The following TRAPPC9 variants were observed in gnomAD, a reference collection of about 807,000 sequenced individuals.
TRAPPC9 encodes the protein IKK2 binding protein.
TRAPPC9 carries 83 observed loss-of-function variants against 124.0 expected under a neutral mutation model. The ratio of observed to expected loss-of-function variants is 0.67; its 90% CI spans 0.56 to 0.80. TRAPPC9 has a LOEUF of 0.80. TRAPPC9 is among the 30% of genes least tolerant of loss of function. The probability of loss-of-function intolerance (pLI) is 0.00; values close to 1 mark genes in which losing one functional copy is unlikely to be tolerated. For synonymous variants in TRAPPC9, 638 were observed against 617.5 expected (o/e 1.03, Z -0.49); for missense variants, 1,302 against 1,508.3 (o/e 0.86, Z 2.27).
At chr8:139,847,292 C>T (rs1302590097) in intron 21 of TRAPPC9, among the ~76,000 whole-genome samples, 1 of 152,226 alleles carries the variant, frequency 6.6e-6, no homozygotes, top group Admixed American at 6.5e-5. Context: ...ATCCACACAC[C>T]CCCGGAACTG....
At chr8:139,988,954 G>A in intron 18 of TRAPPC9, 118 bp from the exon 19 acceptor site, 2 of 727,904 alleles carry the variant, frequency 2.7e-6, no homozygotes, top group Non-Finnish European at 4.9e-6. Flanking sequence ...ATATCGAAAT[G>A]CCAAGTGCTC....
At chr8:140,073,395 T>A (rs1843301552) in intron 17 of TRAPPC9, among the ~76,000 whole-genome samples, 1 of 152,220 alleles carries the variant, frequency 6.6e-6, no homozygotes, top group Non-Finnish European at 1.5e-5. Flanking sequence ...GAACTACTGA[T>A]ACAACAACTG....
intron 11 of TRAPPC9, among the ~76,000 whole-genome samples, chr8:140,295,864 A>C (rs1290565122): frequency 1.3e-5 from 2 of 152,230 alleles, no homozygotes; most frequent in African/African-American, 4.8e-5. Context: ...AAGCTATGGG[A>C]TATAAATTGC....
intron 14 of TRAPPC9, among the ~76,000 whole-genome samples, chr8:140,277,545 A>C (rs917084038): frequency 3.3e-5 from 5 of 152,250 alleles, no homozygotes; most frequent in Admixed American, 3.3e-4. Context: ...AGGATTTTGA[A>C]ACAAAACAAA....
intron 17 of TRAPPC9, among the ~76,000 whole-genome samples, chr8:140,173,555 A>G (rs866530030): frequency 1.5e-5 from 2 of 137,628 alleles, no homozygotes; most frequent in Admixed American, 7.0e-5. Flanking sequence ...CTCTGTCTCA[A>G]AAAAAAAAAA....
At chr8:140,436,891 C>T (rs2070833053) in intron 3 of TRAPPC9, among the ~76,000 whole-genome samples, 1 of 152,160 alleles carries the variant, frequency 6.6e-6, no homozygotes, top group Non-Finnish European at 1.5e-5. Flanking sequence ...ATCCCTAATT[C>T]TTACTCCCTT....
intron 8 of TRAPPC9, among the ~76,000 whole-genome samples, chr8:140,369,033 C>T (rs1187485805): frequency 6.6e-6 from 1 of 152,186 alleles, no homozygotes; most frequent in African/African-American, 2.4e-5. Context: ...GCTTTCACAC[C>T]ACAACAGCAG....
chr8:140,346,092 C>T (rs1300818487), intron 9 of TRAPPC9, among the ~76,000 whole-genome samples: 1 of 152,210 alleles, frequency 6.6e-6, no homozygotes, highest in Non-Finnish European at 1.5e-5. Context: ...AGCTCTGCCA[C>T]CTCCAAATCC....
intron 19 of TRAPPC9, among the ~76,000 whole-genome samples, chr8:139,922,600 C>T (rs1370364549): frequency 1.3e-5 from 2 of 152,258 alleles, no homozygotes; most frequent in South Asian, 2.1e-4. Context: ...GGCCTCCAGA[C>T]AGGCATGGCT....
intron 21 of TRAPPC9, among the ~76,000 whole-genome samples, chr8:139,751,586 C>G (rs1460211345): frequency 6.6e-6 from 1 of 152,126 alleles, no homozygotes; most frequent in African/African-American, 2.4e-5. Context: ...GCTCTATCTG[C>G]CTAGGTATCT....
intron 6 of TRAPPC9, among the ~76,000 whole-genome samples, chr8:140,398,889 A>G (rs1372929691): frequency 6.6e-6 from 1 of 152,240 alleles, no homozygotes; most frequent in African/African-American, 2.4e-5. Context: ...CTCCCATCAC[A>G]GGCCTGGAGG....
At chr8:140,390,699 T>C (rs2068901430) in intron 7 of TRAPPC9, among the ~76,000 whole-genome samples, 1 of 152,208 alleles carries the variant, frequency 6.6e-6, no homozygotes, top group African/African-American at 2.4e-5. Context: ...AAGAGAGATT[T>C]CCTTATATGC....
chr8:140,374,626 C>T (rs11992964), intron 7 of TRAPPC9, among the ~76,000 whole-genome samples: 4,926 of 151,888 alleles, frequency 0.032, 262 homozygotes, highest in African/African-American at 0.11. Context: ...GGGTACTTAA[C>T]GCCTTCATCA....
chr8:139,893,750 G>A (rs1789742278), intron 20 of TRAPPC9, among the ~76,000 whole-genome samples: 1 of 152,240 alleles, frequency 6.6e-6, no homozygotes. Context: ...CACACCAGGA[G>A]GTAACTGATG....
chr8:139,755,795 G>C (rs1283322852), intron 21 of TRAPPC9, among the ~76,000 whole-genome samples: 1 of 135,614 alleles, frequency 7.4e-6, no homozygotes, highest in Non-Finnish European at 1.5e-5. Context: ...CAGGTCGCAG[G>C]AGGAGCCAGG....
intron 10 of TRAPPC9, among the ~76,000 whole-genome samples, chr8:140,303,977 T>A (rs1477607507): frequency 6.6e-6 from 1 of 152,196 alleles, no homozygotes; most frequent in African/African-American, 2.4e-5. Context: ...TACTCACCAA[T>A]GTAGACATTT....
At chr8:140,261,776 G>A (rs908085539) in intron 15 of TRAPPC9, among the ~76,000 whole-genome samples, 7 of 152,114 alleles carry the variant, frequency 4.6e-5, no homozygotes, top group African/African-American at 1.4e-4. Flanking sequence ...GTGAATGCCC[G>A]CCCACCAGGC....
chr8:140,219,719 G>A (rs973718130), intron 17 of TRAPPC9, among the ~76,000 whole-genome samples: 3 of 152,132 alleles, frequency 2.0e-5, no homozygotes, highest in African/African-American at 7.2e-5. Context: ...TCATGGGTCT[G>A]CTACTATACA....
intron 21 of TRAPPC9, among the ~76,000 whole-genome samples, chr8:139,854,491 G>A (rs1364358421): frequency 6.6e-6 from 1 of 152,204 alleles, no homozygotes; most frequent in Non-Finnish European, 1.5e-5. Context: ...GGAGCACCCA[G>A]CACAGGACCC....
Sources: allele counts gnomAD v4.1 joint callset (sites outside exome capture counted in the v4.1 genomes callset), GRCh38; gene constraint gnomAD v4.1.1; transcripts MANE v1.5; gene names NCBI Gene and HGNC (gene_info 2026-07-23, HGNC 2026-07-21).